Variants in RNF19B observed in about 807,000 individuals in gnomAD.
RNF19B encodes the protein E3 ubiquitin-protein ligase RNF19B.
A neutral mutation model predicts 65.5 loss-of-function variants in RNF19B; 23 were observed. The observed-to-expected ratio is 0.35, with a 90% CI of 0.25 to 0.50. The LOEUF (loss-of-function observed/expected upper bound fraction) is 0.50, where lower values mean the gene tolerates loss of function less well. RNF19B is among the 20% of genes least tolerant of loss of function. RNF19B has a pLI of 0.98. For synonymous variants in RNF19B, 372 were observed against 379.6 expected (o/e 0.98, Z 0.23); for missense variants, 794 against 980.0 (o/e 0.81, Z 2.53).
chr1:32,942,409 T>G lies in RNF19B; in HGVS notation c.1453A>C (p.Ile485Leu), dbSNP rs762515857. Residue 485 changes from isoleucine to leucine, a missense_variant, in exon 7 of 9, where the codon ATT becomes CTT. Around this residue, in one of 3 missense-constraint regions of RNF19B, gnomAD observed 368 missense variants for 447.3 expected, o/e 0.82. Transcript: ENST00000235150. ...LKNPSIGESS[I>L]EGLTSVLSTS... ...CTCAATACACTAGTCAGGCCTTCAA[T>G]GCTGCTTTCCCCAATGCTGGGATTC... 1 of 1,614,234 alleles carries G rather than the reference T, an allele frequency of 6.2e-7. No homozygotes were observed.
chr1:32,934,466 G>T (rs976596572), downstream of RNF19B, among the ~76,000 whole-genome samples: 2 of 152,068 alleles, frequency 1.3e-5, no homozygotes, highest in Non-Finnish European at 2.9e-5. Flanking sequence ...GGAATCACTT[G>T]AGTCAGGAGT....
At chr1:32,952,669 G>A (rs1642535491) in intron 1 of RNF19B, among the ~76,000 whole-genome samples, 2 of 151,708 alleles carry the variant, frequency 1.3e-5, no homozygotes, top group Admixed American at 1.3e-4. Context: ...TTGAACCCGG[G>A]AGGTGGAGGT....
chr1:32,950,136 AT>A (rs1048300673), intron 1 of RNF19B, among the ~76,000 whole-genome samples: 2 of 151,402 alleles, frequency 1.3e-5, no homozygotes, highest in Admixed American at 6.6e-5. Flanking sequence ...CGCCTGGCTA[AT>A]TTTTTTTGTA....
Position 32,956,088 on chromosome 1 carries a change from G to A in RNF19B, c.636-6314C>T, listed in dbSNP as rs956548932. On this transcript the variant is annotated intron_variant, in intron 1 of 8. Transcript: ENST00000235150. ...CTACGAAAGACACAAAAATTAGGCC[G>A]GGCATGGTGGCTCATGCCTGTAATC... Among the ~76,000 whole-genome samples the A allele has an allele frequency of 4.6e-5, 7 of 152,052 alleles. No individual in the cohort carries two copies. In the East Asian group the frequency reaches 5.8e-4, roughly 13 times the overall value.
chr1:32,945,284 T>C (rs1191933601), intron 5 of RNF19B, among the ~76,000 whole-genome samples: 1 of 152,260 alleles, frequency 6.6e-6, no homozygotes, highest in Non-Finnish European at 1.5e-5. Flanking sequence ...ACCTTTTCTA[T>C]GTGCCAAATG....
chr1:32,954,738 C>CA (rs35049190), intron 1 of RNF19B, among the ~76,000 whole-genome samples: 29,424 of 111,888 alleles, frequency 0.26, 3,700 homozygotes, highest in Non-Finnish European at 0.32. Context: ...AATTCCATCT[C>CA]AAAAAAAAAA....
At chr1:32,935,430 T>C (rs1642080479), downstream of RNF19B, among the ~76,000 whole-genome samples, 1 of 152,114 alleles carries the variant, frequency 6.6e-6, no homozygotes, top group Non-Finnish European at 1.5e-5. Context: ...TGAGCCACTG[T>C]GCCCGGCCAG....
intron 1 of RNF19B, 94 bp downstream of exon 1, chr1:32,963,957 C>G: frequency 3.0e-6 from 4 of 1,352,840 alleles, no homozygotes; most frequent in Non-Finnish European, 3.8e-6. Flanking sequence ...TTGCGGGTTT[C>G]CCTGCTTGGG....
rs746577302 is a variant in RNF19B, at chr1:32,937,038, C to T, written c.1964G>A (p.Ser655Asn). 2 of 1,614,204 alleles carry T rather than the reference C, an allele frequency of 1.2e-6. No individual in the cohort carries two copies. The highest frequency in any genetic ancestry group is 8.5e-7 in the Non-Finnish European group (1 of 1,180,048). Reference sequence around the variant, plus strand: ...GCGGATGCTTTCAGGCTGGGCCAGGCTGATGTCCCAAGGTTTGCTGGCCAG... The same window carrying T: ...GCGGATGCTTTCAGGCTGGGCCAGGTTGATGTCCCAAGGTTTGCTGGCCAG... ...DCLASKPWDI[S>N]LAQPESIRSD... is the part of the protein sequence containing the mutation. The change falls in exon 9 of 9, where the codon AGC becomes AAC. Residue 655 changes from serine to asparagine, a missense_variant. By Grantham distance (46) the Ser-to-Asn change is conservative. Transcript: ENST00000235150.
At chr1:32,951,532 G>A (rs1642499616) in intron 1 of RNF19B, among the ~76,000 whole-genome samples, 1 of 152,260 alleles carries the variant, frequency 6.6e-6, no homozygotes, top group Non-Finnish European at 1.5e-5. Context: ...CAAGCAGTCA[G>A]GCAGTTGGAA....
chr1:32,963,905 C>A, intron 1 of RNF19B, 146 bp downstream of exon 1: 1 of 1,302,096 alleles, frequency 7.7e-7, no homozygotes, highest in Non-Finnish European at 9.8e-7. Context: ...CACCACTAGT[C>A]TGGGCTTGCC....
chr1:32,963,887 T>G (rs2124199661), intron 1 of RNF19B, among the ~76,000 whole-genome samples, 164 bp downstream of exon 1: 1 of 152,214 alleles, frequency 6.6e-6, no homozygotes, highest in African/African-American at 2.4e-5. Context: ...GGGTGTCGGG[T>G]GCGTTCACAC....
intron 1 of RNF19B, among the ~76,000 whole-genome samples, chr1:32,961,300 G>C (rs1286772733): frequency 6.6e-6 from 1 of 152,176 alleles, no homozygotes; most frequent in African/African-American, 2.4e-5. Flanking sequence ...TACACTTAAT[G>C]AAATGCACCC....
At chr1:32,938,140 C>CAAAAAAAAAAAAAAAAAAAAA (rs80176999) in intron 8 of RNF19B, among the ~76,000 whole-genome samples, 3 of 46,046 alleles carry the variant, frequency 6.5e-5, no homozygotes, top group African/African-American at 2.6e-4. Flanking sequence ...CCAAGAAAGA[C>CAAAAAAAAAAAAAAAAAAAAA]AAAAAAAAAA....
rs1557563853 is a variant in RNF19B, at chr1:32,938,411, G to A, written c.1728C>T (p.Tyr576=). The part of the protein sequence containing the change: ...RAMAGSIISS[Y]NPQDRECNNM... Reference sequence around the variant, plus strand: ...TGTTCACATACCTGTCCTGTGGGTTGTAGGAACTGATTATGGAACCGGCCA... The same window carrying A: ...TGTTCACATACCTGTCCTGTGGGTTATAGGAACTGATTATGGAACCGGCCA... The change falls in exon 8 of 9, where the codon TAC becomes TAT. Residue 576 remains tyrosine (Y), a synonymous_variant. Transcript: ENST00000235150. The A allele has an allele frequency of 6.2e-7, 1 of 1,614,210 alleles. No homozygotes were observed. The highest frequency in any genetic ancestry group is 1.1e-5 in the South Asian group (1 of 91,086).
At chr1:32,935,693 G>GT (rs1249194354), downstream of RNF19B, among the ~76,000 whole-genome samples, 1 of 152,156 alleles carries the variant, frequency 6.6e-6, no homozygotes, top group Non-Finnish European at 1.5e-5. Context: ...GCGCATCAGT[G>GT]TATTTCTTCC....
intron 8 of RNF19B, 114 bp downstream of exon 8, chr1:32,938,283 C>A: frequency 8.9e-7 from 1 of 1,120,326 alleles, no homozygotes; most frequent in Non-Finnish European, 1.4e-6. Flanking sequence ...ACAGGTTACA[C>A]TATATATCCC....
intron 1 of RNF19B, among the ~76,000 whole-genome samples, chr1:32,955,037 G>A (rs1056099198): frequency 3.3e-5 from 5 of 152,032 alleles, no homozygotes; most frequent in South Asian, 2.1e-4. Context: ...TAGGCAGCTC[G>A]TTGCCTACTT....
chr1:32,936,148 A>C (rs60991559), downstream of RNF19B, among the ~76,000 whole-genome samples: 50 of 152,314 alleles, frequency 3.3e-4, no homozygotes, highest in East Asian at 9.6e-3. Context: ...GCAAAGTTTT[A>C]AGAGTAAATT....
Sources: allele counts gnomAD v4.1 joint callset (sites outside exome capture counted in the v4.1 genomes callset), GRCh38; gene constraint gnomAD v4.1.1; regional missense constraint gnomAD v4.1.1; transcripts MANE v1.5; gene names NCBI Gene and HGNC (gene_info 2026-07-23, HGNC 2026-07-21).